Variants in TAF2 observed in about 807,000 individuals in gnomAD.
TAF2 encodes the protein transcription initiation factor TFIID subunit 2.
In TAF2, 61 loss-of-function variants were observed where a neutral mutation model predicts 138.5. That is an observed-to-expected ratio of 0.44 (90% CI 0.36 to 0.54). The LOEUF (loss-of-function observed/expected upper bound fraction) is 0.54, where lower values mean the gene tolerates loss of function less well. TAF2 is among the 20% of genes least tolerant of loss of function. TAF2 has a pLI of 0.00. For missense variants in TAF2, 1,090 were observed against 1,427.9 expected (o/e 0.76, Z 3.81); for synonymous variants, 475 against 469.9 (o/e 1.01, Z -0.14).
chr8:119,748,362 CTA>C (rs1392558353), intron 22 of TAF2, among the ~76,000 whole-genome samples: 1 of 151,190 alleles, frequency 6.6e-6, no homozygotes, highest in Non-Finnish European at 1.5e-5. Flanking sequence ...TAACAGGTAA[CTA>C]TTAATTATAC....
chr8:119,804,046 T>C (rs776090917), intron 4 of TAF2, 27 bp from the exon 5 acceptor site: 3 of 1,612,928 alleles, frequency 1.9e-6, no homozygotes, highest in Admixed American at 1.7e-5. Flanking sequence ...TATACACACA[T>C]TGATACATAA....
intron 3 of TAF2, among the ~76,000 whole-genome samples, chr8:119,808,039 T>G (rs1165584629): frequency 6.6e-6 from 1 of 152,186 alleles, no homozygotes; most frequent in Non-Finnish European, 1.5e-5. Context: ...ACTCTTAACT[T>G]GACAGAGGCC....
At chr8:119,780,676 C>T (rs1822577725) in intron 17 of TAF2, among the ~76,000 whole-genome samples, 1 of 152,134 alleles carries the variant, frequency 6.6e-6, no homozygotes, top group Admixed American at 6.6e-5. Flanking sequence ...TGGCTCACAC[C>T]TGTAATCTCA....
Position 119,796,977 on chromosome 8 carries a change from T to A in TAF2, c.1091+13A>T. On this transcript the variant is annotated intron_variant, in intron 8 of 25. Coordinates refer to ENST00000378164, the MANE Select transcript of TAF2 (RefSeq NM_003184.4). ...ATTCTCTTCTCAGTAGTATGAACTT[T>A]CAGGTCACTCACCAAGACATTCTAG... 6.4e-7 allele frequency: 1 copy of A among 1,569,320 alleles called. No individual in the cohort carries two copies. The highest frequency in any genetic ancestry group is 8.8e-7 in the Non-Finnish European group (1 of 1,139,502).
At chr8:119,761,171 C>T (rs543241746) in intron 19 of TAF2, among the ~76,000 whole-genome samples, 4 of 151,978 alleles carry the variant, frequency 2.6e-5, no homozygotes, top group Non-Finnish European at 5.9e-5. Context: ...TCTTTTATAC[C>T]GTATTTTTAC....
At chr8:119,771,040 C>A (rs1821796101) in intron 18 of TAF2, among the ~76,000 whole-genome samples, 1 of 152,018 alleles carries the variant, frequency 6.6e-6, no homozygotes, top group Non-Finnish European at 1.5e-5. Flanking sequence ...CACTGCACTC[C>A]AGCCTGGGCG....
chr8:119,801,187 T>A (rs796282376), intron 6 of TAF2, among the ~76,000 whole-genome samples: 14 of 152,312 alleles, frequency 9.2e-5, no homozygotes, highest in African/African-American at 3.1e-4. Flanking sequence ...TGAAAAGATG[T>A]CATTAGTAAT....
At chr8:119,748,931 CAAAA>C (rs1463995707) in intron 22 of TAF2, among the ~76,000 whole-genome samples, 1 of 146,086 alleles carries the variant, frequency 6.8e-6, no homozygotes, top group Non-Finnish European at 1.5e-5. Context: ...AAAAAAAAAA[CAAAA>C]AACAGAACAG....
chr8:119,762,716 A>C (rs1479771473), intron 18 of TAF2, 108 bp from the exon 19 acceptor site: 2 of 1,042,266 alleles, frequency 1.9e-6, no homozygotes, highest in Admixed American at 5.1e-5. Flanking sequence ...AAATTTTCCC[A>C]AAACACAAGC....
chr8:119,803,733 A>T, intron 5 of TAF2, 145 bp downstream of exon 5: 1 of 855,328 alleles, frequency 1.2e-6, no homozygotes. Flanking sequence ...AAGAGGAATG[A>T]CTAACAGAAA....
At position 119,737,860 on chromosome 8, in the gene TAF2, T is replaced by A. The variant is rs559765153; in HGVS notation, c.3337+4674A>T. Among the ~76,000 whole-genome samples the A allele has an allele frequency of 8.5e-4, 127 of 148,780 alleles. 2 individuals carry two copies. Among genetic ancestry groups the A allele is most frequent in the African/African-American group, 3.0e-3 (115 of 38,888 alleles). On this transcript the variant is annotated intron_variant, in intron 25 of 25. Transcript: ENST00000378164. ...AAGCAATCTGGCAATACCATGAAAG[T>A]GTTACATGCCTATATTCCTTTAGAA...
At chr8:119,766,955 T>C (rs1821469863) in intron 18 of TAF2, 1 of 152,186 alleles carries the variant, frequency 6.6e-6, no homozygotes, top group African/African-American at 2.4e-5. Context: ...TTTAAAAAAG[T>C]GTTACACATG....
intron 17 of TAF2, among the ~76,000 whole-genome samples, chr8:119,779,196 A>C (rs1398379588): frequency 1.3e-5 from 2 of 151,502 alleles, no homozygotes; most frequent in Non-Finnish European, 2.9e-5. Context: ...CTGACTTTCC[A>C]ATTTTTTTGA....
Position 119,776,219 on chromosome 8 carries a change from T to A in TAF2, c.2364+1800A>T, listed in dbSNP as rs562537930. 2.0e-5 allele frequency among the ~76,000 whole-genome samples: 3 copies of A among 152,296 alleles called. No homozygotes were observed. The South Asian group carries it at 6.2e-4, about 32-fold the overall frequency. ...ACAACGTCAAGAAAAAATGAATTAA[T>A]GTATTCTTTTACAATGTTAATTTTT... is the stretch of plus-strand genomic sequence containing the variant. On this transcript the variant is annotated intron_variant, in intron 18 of 25. Coordinates refer to ENST00000378164, the MANE Select transcript of TAF2 (RefSeq NM_003184.4).
intron 18 of TAF2, among the ~76,000 whole-genome samples, chr8:119,764,881 TA>T (rs1311073270): frequency 6.6e-6 from 1 of 152,078 alleles, no homozygotes; most frequent in East Asian, 1.9e-4. Context: ...AAAGGAACAC[TA>T]AAAATTAAGG....
chr8:119,821,700 AG>A (rs921457624), intron 2 of TAF2, among the ~76,000 whole-genome samples: 5 of 152,172 alleles, frequency 3.3e-5, no homozygotes, highest in African/African-American at 4.8e-5. Flanking sequence ...ACTGTGCCTC[AG>A]TTTCCTCATA....
rs1303265724 is a variant in TAF2, at chr8:119,806,394, G to A, written c.307C>T (p.Leu103Phe). ...VCHSESKQRN[L>F]NYFSNAYAAA... ...GCATAAGCATTGGAAAAATAATTGA[G>A]GTTTCTCCTGGGGAAAAAAAAGAGC... The change falls in exon 4 of 26, where the codon CTC becomes TTC. Residue 103 changes from leucine to phenylalanine, a missense_variant. Around this residue, in one of 3 missense-constraint regions of TAF2, gnomAD observed 504 missense variants for 680.9 expected, o/e 0.74. Coordinates refer to ENST00000378164, the MANE Select transcript of TAF2 (RefSeq NM_003184.4). 4 of 1,612,394 alleles carry A rather than the reference G, an allele frequency of 2.5e-6. No individual in the cohort carries two copies. The Admixed American group carries it at 6.7e-5, about 27-fold the overall frequency.
chr8:119,791,116 T>A (rs920811964), intron 11 of TAF2, among the ~76,000 whole-genome samples: 1 of 152,194 alleles, frequency 6.6e-6, no homozygotes, highest in African/African-American at 2.4e-5. Context: ...ATTCTAATTA[T>A]ATCTTCATAA....
At chr8:119,790,377 C>T (rs542772448) in intron 11 of TAF2, among the ~76,000 whole-genome samples, 1 of 151,966 alleles carries the variant, frequency 6.6e-6, no homozygotes, top group Non-Finnish European at 1.5e-5. Flanking sequence ...GAGGTCAAGG[C>T]TGCAGTGGGC....
Sources: allele counts gnomAD v4.1 joint callset (sites outside exome capture counted in the v4.1 genomes callset), GRCh38; gene constraint gnomAD v4.1.1; regional missense constraint gnomAD v4.1.1; transcripts MANE v1.5; gene names NCBI Gene and HGNC (gene_info 2026-07-23, HGNC 2026-07-21).